Variants in PPFIBP1 observed in about 807,000 individuals in gnomAD.
PPFIBP1 encodes the protein PPFIB scaffold protein 1.
Under a neutral mutation model 137.8 loss-of-function variants are expected in PPFIBP1, and 112 were observed. That is an observed-to-expected ratio of 0.81 (90% CI 0.70 to 0.95). The LOEUF (loss-of-function observed/expected upper bound fraction) is 0.95, where lower values mean the gene tolerates loss of function less well. PPFIBP1 is among the 40% of genes least tolerant of loss of function. PPFIBP1 has a pLI of 0.00. For synonymous variants in PPFIBP1, 378 were observed against 417.3 expected, an observed-to-expected ratio of 0.91 and a Z score of 1.15; for missense variants, 1,083 against 1,196.6, an observed-to-expected ratio of 0.91 and a Z score of 1.40.
rs1309008068 is a variant in PPFIBP1, at chr12:27,547,301, TG to T, written c.-124+22937del. On this transcript the variant is annotated intron_variant, in intron 1 of 29. Coordinates refer to ENST00000228425, the MANE Select transcript of PPFIBP1 (RefSeq NM_003622.4). Reference sequence around the variant, plus strand: ...TTTACTTGTGAACTTGCTGTATTCCTGTGCATTAACTCCTGTCCCTGTTGAC... The same window carrying T: ...TTTACTTGTGAACTTGCTGTATTCCTTGCATTAACTCCTGTCCCTGTTGAC... The T allele has an allele frequency of 3.3e-5, 5 of 152,206 alleles. No homozygotes were observed. In the East Asian group the frequency reaches 9.6e-4, roughly 29 times the overall value. The allele number at this position is 152,206 out of a possible 1,614,324, so 9.4% of individuals were successfully genotyped here. A position where few individuals can be genotyped will look rare whatever the true frequency, so the allele number is the denominator to read the frequency against.
intron 2 of PPFIBP1, among the ~76,000 whole-genome samples, chr12:27,597,525 C>G (rs962873382): frequency 5.3e-5 from 8 of 152,122 alleles, no homozygotes; most frequent in Admixed American, 1.3e-4. Flanking sequence ...GTCTCTCTAG[C>G]TGTTCATAAA....
In PPFIBP1 at chr12:27,656,685, T is replaced by A. The variant is rs2059221659; in HGVS notation, c.766T>A (p.Leu256Met). Residue 256 changes from leucine to methionine, a missense_variant, in exon 9 of 30, where the codon TTG (leucine) becomes ATG (methionine). Physicochemically the swap from Leu to Met is conservative, Grantham distance 15 (BLOSUM62 2). Transcript: ENST00000228425. ...ESEVKRLQEK[L>M]VCKMKGEGVE... ...TGAAGTAAAAAGGCTACAAGAAAAA[T>A]TGGTTTGCAAGATGAAAGGAGAAGG... is the stretch of plus-strand genomic sequence containing the variant. 1.2e-6 allele frequency: 2 copies of A among 1,612,924 alleles called. No individual in the cohort carries two copies. Among genetic ancestry groups the A allele is most frequent in the Non-Finnish European group, 1.7e-6 (2 of 1,179,154 alleles).
rs2061700012 is a variant in PPFIBP1 at position 27,694,800 on chromosome 12, G to A, written c.*1918G>A. The A allele has an allele frequency of 6.6e-6, 1 of 152,178 alleles. No individual in the cohort carries two copies. The highest frequency in any genetic ancestry group is 1.5e-5 in the Non-Finnish European group (1 of 68,042). The allele number at this position is 152,178 out of a possible 1,614,324, so 9.4% of individuals were successfully genotyped here. A position where few individuals can be genotyped will look rare whatever the true frequency, so the allele number is the denominator to read the frequency against. On this transcript the variant is annotated 3_prime_UTR_variant, in exon 30 of 30. Transcript: ENST00000228425. ...CAAAAGACAGGTTTTCACAAATTGAGGTGGAGGTGGGCGGTTCAGTATCTG... is the reference window on the plus strand; with the variant it reads ...CAAAAGACAGGTTTTCACAAATTGAAGTGGAGGTGGGCGGTTCAGTATCTG...
At chr12:27,524,413 T>G (rs1455872315) in intron 1 of PPFIBP1, 48 bp downstream of exon 1, 1 of 151,860 alleles carries the variant, frequency 6.6e-6, no homozygotes, top group Non-Finnish European at 1.5e-5. Flanking sequence ...GTGGCACCGT[T>G]GTGTGGCTGC....
Position 27,691,797 on chromosome 12 carries a change from C to T in PPFIBP1, c.2734C>T (p.Gln912Ter). Residue 912 changes from glutamine (Q) to a stop codon, truncating the protein, a stop_gained, in exon 28 of 30, where the codon CAG becomes TAG. Transcript: ENST00000228425. LOFTEE classifies it high-confidence loss of function. Reference sequence around the variant, plus strand: ...TTTTGGGAATTTGAGAAAGAAGAAACAGGAAGATGGTGAAGAATATGTTTG... The same window carrying T: ...TTTTGGGAATTTGAGAAAGAAGAAATAGGAAGATGGTGAAGAATATGTTTG... Reference protein sequence around the residue: ...SNFGNLRKKKQEDGEEYVCPM... With the variant: ...SNFGNLRKKK 1 of 1,612,088 alleles carries T rather than the reference C, an allele frequency of 6.2e-7. No homozygotes were observed. Among genetic ancestry groups the T allele is most frequent in the Non-Finnish European group, 8.5e-7 (1 of 1,179,304 alleles).
chr12:27,652,880 T>C (rs1446239329), intron 7 of PPFIBP1, among the ~76,000 whole-genome samples: 1 of 152,214 alleles, frequency 6.6e-6, no homozygotes, highest in African/African-American at 2.4e-5. Context: ...GATTTTTTTC[T>C]TTAGACTTGA....
intron 1 of PPFIBP1, among the ~76,000 whole-genome samples, chr12:27,556,284 A>G (rs2048696444): frequency 6.6e-6 from 1 of 152,232 alleles, no homozygotes; most frequent in African/African-American, 2.4e-5. Context: ...CTGCATGTTA[A>G]TGAAACACAT....
At chr12:27,596,529 T>A (rs1303659768) in intron 2 of PPFIBP1, among the ~76,000 whole-genome samples, 7 of 152,252 alleles carry the variant, frequency 4.6e-5, no homozygotes, top group African/African-American at 1.7e-4. Flanking sequence ...TATTATTATT[T>A]TTTATTTTTA....
At chr12:27,530,705 G>A (rs1212997713) in intron 1 of PPFIBP1, among the ~76,000 whole-genome samples, 1 of 152,174 alleles carries the variant, frequency 6.6e-6, no homozygotes, top group Non-Finnish European at 1.5e-5. Context: ...TTGCAGCTGG[G>A]AGGTGGTTCA....
intron 2 of PPFIBP1, among the ~76,000 whole-genome samples, chr12:27,582,533 A>G (rs2051244072): frequency 6.6e-6 from 1 of 152,166 alleles, no homozygotes; most frequent in Non-Finnish European, 1.5e-5. Flanking sequence ...TCTTAAATCT[A>G]TTATTTAGCA....
intron 6 of PPFIBP1, among the ~76,000 whole-genome samples, chr12:27,649,698 C>A (rs959109527): frequency 3.2e-4 from 49 of 151,986 alleles, no homozygotes; most frequent in African/African-American, 1.1e-3. Context: ...TTACAGGCAC[C>A]CGCCACTATG....
rs371397265 is a variant in PPFIBP1 at position 27,577,752 on chromosome 12, A to AT, written c.-123-391dup. On this transcript the variant is annotated intron_variant, in intron 1 of 29. Transcript: ENST00000228425. ...AAATAATAAATTGTGGACATTTCCC[A>AT]TTTTTTTTTACCTTAACGACAAAAT... Among the ~76,000 whole-genome samples the AT allele has an allele frequency of 9.3e-3, 1,402 of 151,178 alleles. 13 individuals carry two copies. The highest frequency in any genetic ancestry group is 0.032 in the African/African-American group (1,308 of 41,254).
At chr12:27,615,840 C>T (rs148276648) in intron 2 of PPFIBP1, among the ~76,000 whole-genome samples, 250 of 152,246 alleles carry the variant, frequency 1.6e-3, no homozygotes, top group African/African-American at 5.6e-3. Context: ...CCTCAGCCAT[C>T]CTGGTGGCCT....
At chr12:27,636,804 C>T (rs528195495) in intron 4 of PPFIBP1, 1 of 152,344 alleles carries the variant, frequency 6.6e-6, no homozygotes, top group African/African-American at 2.4e-5. Flanking sequence ...CCATGACTTT[C>T]TGACTTCATC....
intron 1 of PPFIBP1, among the ~76,000 whole-genome samples, chr12:27,544,551 A>G (rs306662): frequency 0.74 from 112,234 of 152,120 alleles, 41,522 homozygotes; most frequent in Non-Finnish European, 0.75. Context: ...ACAAGAAAAA[A>G]ACAAACAACC....
At chr12:27,587,622 CAAAAAAAAA>C (rs35185831) in intron 2 of PPFIBP1, among the ~76,000 whole-genome samples, 2 of 73,528 alleles carry the variant, frequency 2.7e-5, no homozygotes, top group African/African-American at 1.2e-4. Context: ...GACTCCATCT[CAAAAAAAAA>C]AAAAAAAAAA....
chr12:27,541,841 G>A (rs1385584959), intron 1 of PPFIBP1, among the ~76,000 whole-genome samples: 1 of 152,006 alleles, frequency 6.6e-6, no homozygotes, highest in Non-Finnish European at 1.5e-5. Flanking sequence ...CAGAGCTTCC[G>A]ACTCCAGGGC....
At chr12:27,655,149 A>G (rs756716204) in intron 8 of PPFIBP1, 39 of 1,533,334 alleles carry the variant, frequency 2.5e-5, no homozygotes, top group Non-Finnish European at 2.9e-5. Flanking sequence ...CCAGTCTTTA[A>G]TGGCCAAACT....
chr12:27,686,189 T>C (rs2061191987), intron 24 of PPFIBP1, among the ~76,000 whole-genome samples: 1 of 152,232 alleles, frequency 6.6e-6, no homozygotes, highest in Non-Finnish European at 1.5e-5. Flanking sequence ...AATTTTTGCC[T>C]GGTTAGTAGC....
Sources: gnomAD v4.1 joint callset for allele counts (sites outside exome capture counted in the v4.1 genomes callset) on GRCh38, gnomAD v4.1.1 for gene constraint, MANE v1.5 for transcripts, NCBI Gene and HGNC (gene_info 2026-07-23, HGNC 2026-07-21) for gene names.